Variants in ST6GALNAC3 observed in about 807,000 individuals in gnomAD.
ST6GALNAC3 encodes ST6 N-acetylgalactosaminide alpha-2,6-sialyltransferase 3.
A neutral mutation model predicts 32.7 loss-of-function variants in ST6GALNAC3; 25 were observed. That is an observed-to-expected ratio of 0.76 (90% CI 0.56 to 1.07). ST6GALNAC3 has a LOEUF of 1.07. Ranked by LOEUF, ST6GALNAC3 falls within the 50% of genes least tolerant of loss-of-function variation. The pLI is 0.00. For missense variants in ST6GALNAC3, 355 were observed against 382.4 expected (o/e 0.93, Z 0.60); for synonymous variants, 129 against 133.1 (o/e 0.97, Z 0.21).
chr1:76,112,444 A>G (rs1190467405), intron 1 of ST6GALNAC3, among the ~76,000 whole-genome samples: 3 of 143,276 alleles, frequency 2.1e-5, no homozygotes, highest in Non-Finnish European at 3.0e-5. Context: ...TCCCTTCCGG[A>G]CGGGGCGGCT....
chr1:76,224,015 A>G (rs766447092), intron 1 of ST6GALNAC3, among the ~76,000 whole-genome samples: 1 of 152,192 alleles, frequency 6.6e-6, no homozygotes, highest in Non-Finnish European at 1.5e-5. Context: ...TTAGTAAGAA[A>G]TAAACCCGTC....
At chr1:76,178,136 T>A (rs1295466335) in intron 1 of ST6GALNAC3, among the ~76,000 whole-genome samples, 1 of 152,234 alleles carries the variant, frequency 6.6e-6, no homozygotes, top group African/African-American at 2.4e-5. Context: ...TCAGAGGCTC[T>A]GCCTCAGGAC....
At chr1:76,265,502 T>C (rs555154746) in intron 1 of ST6GALNAC3, among the ~76,000 whole-genome samples, 1 of 152,310 alleles carries the variant, frequency 6.6e-6, no homozygotes, top group African/African-American at 2.4e-5. Flanking sequence ...CTCAATTTGA[T>C]AGGCTGTAAG....
intron 1 of ST6GALNAC3, among the ~76,000 whole-genome samples, chr1:76,150,772 G>A (rs962090398): frequency 1.3e-5 from 2 of 152,148 alleles, no homozygotes; most frequent in African/African-American, 2.4e-5. Context: ...ACCTCATATC[G>A]GTGCAGAGAT....
At chr1:76,514,310 A>G (rs1002450) in intron 3 of ST6GALNAC3, among the ~76,000 whole-genome samples, 16,202 of 152,016 alleles carry the variant, frequency 0.11, 981 homozygotes, top group East Asian at 0.22. Flanking sequence ...CTTTTTCTCC[A>G]TTTATTTAAA....
At chr1:76,102,295 T>C (rs569194096) in intron 1 of ST6GALNAC3, among the ~76,000 whole-genome samples, 36 of 151,946 alleles carry the variant, frequency 2.4e-4, no homozygotes, top group Admixed American at 2.2e-3. Context: ...AGCTCCTGCA[T>C]TTCTATAGCA....
intron 1 of ST6GALNAC3, among the ~76,000 whole-genome samples, chr1:76,140,797 ATTTTTTT>A (rs3042284): frequency 6.5e-4 from 78 of 120,390 alleles, no homozygotes; most frequent in East Asian, 2.4e-3. Context: ...TAATTTTCTA[ATTTTTTT>A]TTTTTTTTTT....
chr1:76,424,017 G>T (rs553487593), intron 3 of ST6GALNAC3, among the ~76,000 whole-genome samples: 1 of 151,914 alleles, frequency 6.6e-6, no homozygotes, highest in African/African-American at 2.4e-5. Context: ...CAAAAGCTCC[G>T]AAGGTAAATG....
intron 1 of ST6GALNAC3, among the ~76,000 whole-genome samples, chr1:76,091,629 A>G (rs1042837868): frequency 6.6e-6 from 1 of 152,214 alleles, no homozygotes; most frequent in East Asian, 1.9e-4. Context: ...TAAGATGATA[A>G]TATCACATTT....
chr1:76,341,609 C>CTTTA (rs1647983857), intron 2 of ST6GALNAC3, among the ~76,000 whole-genome samples: 2 of 58,242 alleles, frequency 3.4e-5, no homozygotes, highest in African/African-American at 1.5e-4. Flanking sequence ...AACTGCTTTT[C>CTTTA]TTTCTTTCTT....
chr1:76,153,226 AT>A (rs879717828), intron 1 of ST6GALNAC3, among the ~76,000 whole-genome samples: 13 of 151,994 alleles, frequency 8.6e-5, no homozygotes, highest in Non-Finnish European at 1.2e-4. Context: ...GCCATTGTGA[AT>A]TTTTTTTCCC....
At chr1:76,613,883 A>G (rs916498459) in intron 3 of ST6GALNAC3, among the ~76,000 whole-genome samples, 1 of 152,194 alleles carries the variant, frequency 6.6e-6, no homozygotes, top group Non-Finnish European at 1.5e-5. Flanking sequence ...CTTTGTAGCA[A>G]TGTGAGAATG....
At chr1:76,469,195 G>A (rs1375895702) in intron 3 of ST6GALNAC3, among the ~76,000 whole-genome samples, 1 of 152,030 alleles carries the variant, frequency 6.6e-6, no homozygotes, top group African/African-American at 2.4e-5. Context: ...GTTGTTGAAA[G>A]ACTTCTTTTT....
intron 2 of ST6GALNAC3, among the ~76,000 whole-genome samples, chr1:76,347,459 C>G (rs554811773): frequency 2.6e-5 from 4 of 151,882 alleles, no homozygotes; most frequent in Non-Finnish European, 5.9e-5. Context: ...TTTAATATAT[C>G]TTTGATACAT....
intron 3 of ST6GALNAC3, among the ~76,000 whole-genome samples, chr1:76,472,081 A>T (rs1475586192): frequency 6.6e-6 from 1 of 152,124 alleles, no homozygotes; most frequent in East Asian, 1.9e-4. Context: ...AGTCACTTTC[A>T]AGTACAATAG....
intron 3 of ST6GALNAC3, among the ~76,000 whole-genome samples, chr1:76,545,698 C>T (rs1442692908): frequency 1.3e-5 from 2 of 151,138 alleles, no homozygotes; most frequent in Non-Finnish European, 1.5e-5. Context: ...CTCTTGTTGC[C>T]CAGGCTGGAG....
chr1:76,627,638 T>C, intron 4 of ST6GALNAC3, 79 bp downstream of exon 4: 1 of 1,066,354 alleles, frequency 9.4e-7, no homozygotes, highest in Non-Finnish European at 1.4e-6. Context: ...TTTAATACCA[T>C]AAATCTGAGA....
intron 1 of ST6GALNAC3, among the ~76,000 whole-genome samples, chr1:76,162,324 G>A (rs552232213): frequency 2.0e-5 from 3 of 152,296 alleles, no homozygotes; most frequent in South Asian, 4.1e-4. Flanking sequence ...CGCATTCTCC[G>A]TTGTAGCCAG....
chr1:76,179,098 G>T (rs1428326162), intron 1 of ST6GALNAC3, among the ~76,000 whole-genome samples: 1 of 152,062 alleles, frequency 6.6e-6, no homozygotes, highest in Non-Finnish European at 1.5e-5. Context: ...TACTTTTCAC[G>T]TGGGCTCCAA....
Sources: allele counts gnomAD v4.1 joint callset (sites outside exome capture counted in the v4.1 genomes callset), GRCh38; gene constraint gnomAD v4.1.1; transcripts MANE v1.5; gene names NCBI Gene and HGNC (gene_info 2026-07-23, HGNC 2026-07-21).